Variants in SAMD9 observed in about 807,000 individuals in gnomAD.
SAMD9 encodes the protein sterile alpha motif domain-containing protein 9.
SAMD9 carries 3 observed loss-of-function variants against 1.5 expected under a neutral mutation model. The ratio of observed to expected loss-of-function variants is 2.05; its 90% CI spans 0.93 to 5.29. The LOEUF is 5.29. Ranked by LOEUF, SAMD9 falls within the 30% of genes most tolerant of loss-of-function variation. The pLI is 0.02. For missense variants in SAMD9, 1,597 were observed against 1,820.8 expected (o/e 0.88, Z 2.24); for synonymous variants, 635 against 631.9 (o/e 1.00, Z -0.07).
intron 2 of SAMD9, among the ~76,000 whole-genome samples, chr7:93,108,386 A>G (rs1345674830): frequency 2.0e-5 from 3 of 152,214 alleles, no homozygotes; most frequent in African/African-American, 4.8e-5. Context: ...TCCCAGTGTG[A>G]GAGACACAGA....
In SAMD9 at chr7:93,101,931, G is replaced by A. The variant is rs770033831; in HGVS notation, c.4167C>T (p.Ile1389=). 1.8e-5 allele frequency: 29 copies of A among 1,613,744 alleles called. No homozygotes were observed. The highest frequency in any genetic ancestry group is 2.4e-5 in the Non-Finnish European group (28 of 1,179,784). The part of the protein sequence containing the change: ...KIQSKEKLNF[I]LANIILSCIQ... ...TACAGGAGAGAATAATGTTGGCCAA[G>A]ATGAAATTTAGCTTTTCTTTTGACT... The change falls in exon 3 of 3, where the codon ATC becomes ATT. Residue 1389 remains isoleucine, a synonymous_variant. Transcript: ENST00000379958.
intron 2 of SAMD9, among the ~76,000 whole-genome samples, chr7:93,109,501 A>G (rs1791702944): frequency 6.6e-6 from 1 of 152,234 alleles, no homozygotes; most frequent in African/African-American, 2.4e-5. Flanking sequence ...GGTAATAACA[A>G]ACTTCTCTGA....
In SAMD9 at chr7:93,104,661, C is replaced by A. The variant is rs748738937; in HGVS notation, c.1437G>T (p.Thr479=). ...GATGGTAAAGATTTAGAGTAGAAAT[C>A]GTCTCATTTGGTGTGGTTTTCTGTT... is the stretch of plus-strand genomic sequence containing the variant. ...YVEQKTTPNE[T]ISTLNLYHQP... is the part of the protein sequence containing the mutation. The change falls in exon 3 of 3, where the codon ACG becomes ACT. Residue 479 remains threonine (T), a synonymous_variant. Coordinates refer to ENST00000379958, the MANE Select transcript of SAMD9 (RefSeq NM_017654.4). The A allele has an allele frequency of 1.9e-6, 3 of 1,613,992 alleles. No homozygotes were observed. Among genetic ancestry groups the A allele is most frequent in the Non-Finnish European group, 2.5e-6 (3 of 1,179,920 alleles).
Position 93,117,932 on chromosome 7 carries a change from G to C in SAMD9, c.-179C>G, listed in dbSNP as rs1037208264. ...ATCTCTTTTAGTGCTGAAAATATCTGATGTGTTTGTTTTCTTCCTCCTACG... is the reference window on the plus strand; with the variant it reads ...ATCTCTTTTAGTGCTGAAAATATCTCATGTGTTTGTTTTCTTCCTCCTACG... On this transcript the variant is annotated 5_prime_UTR_variant, in exon 1 of 3. In the 5' UTR this introduces an upstream ATG that the reference lacks. Transcript: ENST00000379958. 2 of 152,188 alleles carry C rather than the reference G, an allele frequency of 1.3e-5. No homozygotes were observed. Among genetic ancestry groups the C allele is most frequent in the African/African-American group, 2.4e-5 (1 of 41,442 alleles). The allele number at this position is 152,188 out of a possible 1,614,324, so 9.4% of individuals were successfully genotyped here.
chr7:93,103,571 T>C lies in SAMD9; in HGVS notation c.2527A>G (p.Lys843Glu). 1 of 1,613,296 alleles carries C rather than the reference T, an allele frequency of 6.2e-7. No individual in the cohort carries two copies. The highest frequency in any genetic ancestry group is 8.5e-7 in the Non-Finnish European group (1 of 1,179,450). ...ATACTGTCTGGGATCCTTGCACTTT[T>C]TTCAGGATTTTGTGATCTCATACAA... is the stretch of plus-strand genomic sequence containing the variant. ...LNCMRSQNPE[K>E]SARIPDSIAV... Residue 843 changes from lysine to glutamate, a missense_variant, in exon 3 of 3, where the codon AAA becomes GAA. Coordinates refer to ENST00000379958, the MANE Select transcript of SAMD9 (RefSeq NM_017654.4).
intron 2 of SAMD9, among the ~76,000 whole-genome samples, chr7:93,114,017 C>G (rs1309162694): frequency 1.3e-5 from 2 of 152,098 alleles, no homozygotes; most frequent in Non-Finnish European, 2.9e-5. Flanking sequence ...TATTGCGGCA[C>G]TATTCACAAT....
Position 93,104,117 on chromosome 7 carries a change from C to G in SAMD9, c.1981G>C (p.Glu661Gln). The G allele has an allele frequency of 1.2e-6, 2 of 1,613,926 alleles. No individual in the cohort carries two copies. The highest frequency in any genetic ancestry group is 1.7e-6 in the Non-Finnish European group (2 of 1,179,874). Reference sequence around the variant, plus strand: ...TTGTCCTTCTCTAACAGTGTACCCTCACATTCATTTTCACAGATAATTTCC... The same window carrying G: ...TTGTCCTTCTCTAACAGTGTACCCTGACATTCATTTTCACAGATAATTTCC... ...ALEIICENEC[E>Q]GTLLEKDKNK... is the part of the protein sequence containing the mutation. The change falls in exon 3 of 3, where the codon GAG becomes CAG. Residue 661 changes from glutamate to glutamine, a missense_variant. Around this residue, in one of 6 missense-constraint regions of SAMD9, gnomAD observed 358 missense variants for 460.4 expected, o/e 0.78. Coordinates refer to ENST00000379958, the MANE Select transcript of SAMD9 (RefSeq NM_017654.4).
intron 1 of SAMD9, among the ~76,000 whole-genome samples, chr7:93,117,392 C>T (rs1409587726): frequency 6.6e-6 from 1 of 151,988 alleles, no homozygotes; most frequent in Non-Finnish European, 1.5e-5. Context: ...AATCCTTCTG[C>T]CTCAGCCTCC....
chr7:93,102,621 G>A lies in SAMD9; in HGVS notation c.3477C>T (p.Ala1159=). 6.2e-7 allele frequency: 1 copy of A among 1,613,726 alleles called. No individual in the cohort carries two copies. The highest frequency in any genetic ancestry group is 8.5e-7 in the Non-Finnish European group (1 of 1,179,764). ...LIALLDLAEH[A]SSAFKESQQQ... ...GTTGAGATTCTTTGAATGCACTTGAGGCATGTTCTGCTAAATCCAAAAGAG... is the reference window on the plus strand; with the variant it reads ...GTTGAGATTCTTTGAATGCACTTGAAGCATGTTCTGCTAAATCCAAAAGAG... The change falls in exon 3 of 3, where the codon GCC becomes GCT. Residue 1159 remains alanine, a synonymous_variant. Transcript: ENST00000379958.
At position 93,101,955 on chromosome 7, in the gene SAMD9, C is replaced by G; in HGVS notation, c.4143G>C (p.Gln1381His). ...AGATGAAATTTAGCTTTTCTTTTGA[C>G]TGGATTTTGACAGTGCATTGTTCTA... Reference protein sequence around the residue: ...FLLEQCTVKIQSKEKLNFILA... With the variant: ...FLLEQCTVKIHSKEKLNFILA... The change falls in exon 3 of 3, where the codon CAG (glutamine) becomes CAC (histidine). Residue 1381 changes from glutamine to histidine, a missense_variant. Transcript: ENST00000379958. 1 of 1,613,792 alleles carries G rather than the reference C, an allele frequency of 6.2e-7. No individual in the cohort carries two copies. The highest frequency in any genetic ancestry group is 8.5e-7 in the Non-Finnish European group (1 of 1,179,752).
Position 93,105,419 on chromosome 7 carries a change from T to C in SAMD9, c.679A>G (p.Met227Val), listed in dbSNP as rs943356283. The C allele has an allele frequency of 1.6e-5, 26 of 1,613,968 alleles. No individual in the cohort carries two copies. In the Admixed American group the frequency reaches 2.2e-4, roughly 13 times the overall value. The change falls in exon 3 of 3, where the codon ATG (methionine) becomes GTG (valine). Residue 227 changes from methionine (M) to valine (V), a missense_variant. Transcript: ENST00000379958. ...NEVFRFASACMNSRTNGTIHF... is the reference protein window; with the variant it reads ...NEVFRFASACVNSRTNGTIHF... ...ATAGTGCCATTGGTACGTGAATTCA[T>C]ACAAGCTGAAGCAAATCGGAAAACC...
Position 93,106,038 on chromosome 7 carries a change from A to G in SAMD9, c.60T>C (p.Asn20=). 1 of 1,593,750 alleles carries G rather than the reference A, an allele frequency of 6.3e-7. No individual in the cohort carries two copies. Among genetic ancestry groups the G allele is most frequent in the Non-Finnish European group, 8.5e-7 (1 of 1,174,090 alleles). The change falls in exon 3 of 3, where the codon AAT becomes AAC. Residue 20 remains asparagine (N), a synonymous_variant. Transcript: ENST00000379958. ...CAATCTTATGACTTTCTAACCACTG[A>G]TTTACATCCTCTTTTGTCCAATCAT... ...NTDDWTKEDV[N]QWLESHKIDQ... is the part of the protein sequence containing the mutation.
At chr7:93,116,522 T>TA (rs1420183437) in intron 1 of SAMD9, among the ~76,000 whole-genome samples, 4 of 152,184 alleles carry the variant, frequency 2.6e-5, no homozygotes, top group African/African-American at 9.7e-5. Context: ...TACATTATTT[T>TA]AAAAAAATTG....
Position 93,102,470 on chromosome 7 carries a change from T to C in SAMD9, c.3628A>G (p.Ile1210Val), listed in dbSNP as rs1271123812. Residue 1210 changes from isoleucine (I) to valine (V), a missense_variant, in exon 3 of 3, where the codon ATT becomes GTT. This residue lies in a region of SAMD9 where 682 missense variants were observed against 810.0 expected (regional missense o/e 0.84). Coordinates refer to ENST00000379958, the MANE Select transcript of SAMD9 (RefSeq NM_017654.4). ...TCAAAAAAAGGAATGAGCTGGAGAA[T>C]TTGGATTGTGTAAAGCCCAACTTCT... ...EIEVGLYTIQ[I>V]LQLIPFFDNK... 1 of 1,613,582 alleles carries C rather than the reference T, an allele frequency of 6.2e-7. No homozygotes were observed. Among genetic ancestry groups the C allele is most frequent in the African/African-American group, 1.3e-5 (1 of 74,898 alleles).
In SAMD9 at chr7:93,105,103, A is replaced by G. The variant is rs76377166; in HGVS notation, c.995T>C (p.Ile332Thr). ...QIKMQNYNNKIWEQSKKFSLF... is the reference protein window; with the variant it reads ...QIKMQNYNNKTWEQSKKFSLF... Reference sequence around the variant, plus strand: ...TGAGAATTTTTTACTTTGTTCCCATATTTTGTTGTTGTAATTTTGCATTTT... The same window carrying G: ...TGAGAATTTTTTACTTTGTTCCCATGTTTTGTTGTTGTAATTTTGCATTTT... Residue 332 changes from isoleucine (I) to threonine (T), a missense_variant, in exon 3 of 3, where the codon ATA becomes ACA. Ile to Thr is a moderately conservative substitution (Grantham distance 89). This residue lies in a region of SAMD9 where 498 missense variants were observed against 457.4 expected (regional missense o/e 1.09). Transcript: ENST00000379958. 2.3e-3 allele frequency: 3,710 copies of G among 1,613,696 alleles called. 82 individuals are homozygous for G. In the African/African-American group the frequency reaches 0.044, roughly 19 times the overall value.
chr7:93,102,937 A>G lies in SAMD9; in HGVS notation c.3161T>C (p.Phe1054Ser), dbSNP rs1313900953. 1 of 1,613,926 alleles carries G rather than the reference A, an allele frequency of 6.2e-7. No individual in the cohort carries two copies. The highest frequency in any genetic ancestry group is 1.3e-5 in the African/African-American group (1 of 75,036). ...EGETGNWFSP[F>S]IEALHKDEGN... ...TTCATCTTTATGTAATGCTTCAATA[A>G]ATGGGGAAAACCAATTTCCTGTTTC... is the stretch of plus-strand genomic sequence containing the variant. The change falls in exon 3 of 3, where the codon TTT (phenylalanine) becomes TCT (serine). Residue 1054 changes from phenylalanine to serine, a missense_variant. Phe to Ser is a radical substitution (Grantham distance 155, BLOSUM62 -2). Coordinates refer to ENST00000379958, the MANE Select transcript of SAMD9 (RefSeq NM_017654.4).
chr7:93,117,184 G>T (rs1336949795), intron 1 of SAMD9, among the ~76,000 whole-genome samples: 1 of 152,200 alleles, frequency 6.6e-6, no homozygotes, highest in African/African-American at 2.4e-5. Flanking sequence ...TCTTAGAGTA[G>T]ATGGTGGAAG....
rs1262291391 is a variant in SAMD9 at position 93,102,198 on chromosome 7, A to G, written c.3900T>C (p.Phe1300=). Residue 1300 remains phenylalanine (F), a synonymous_variant, in exon 3 of 3, where the codon TTT becomes TTC. Coordinates refer to ENST00000379958, the MANE Select transcript of SAMD9 (RefSeq NM_017654.4). ...AKTRRKVAGY[F]KKYVDIFCLL... is the part of the protein sequence containing the mutation. ...GACAAAATATATCTACATATTTCTTAAAATATCCAGCCACCTTTCTCCGAG... is the reference window on the plus strand; with the variant it reads ...GACAAAATATATCTACATATTTCTTGAAATATCCAGCCACCTTTCTCCGAG... The G allele has an allele frequency of 6.2e-7, 1 of 1,613,636 alleles. No homozygotes were observed. Among genetic ancestry groups the G allele is most frequent in the Non-Finnish European group, 8.5e-7 (1 of 1,179,752 alleles).
Position 93,102,269 on chromosome 7 carries a change from G to A in SAMD9, c.3829C>T (p.Leu1277=), listed in dbSNP as rs1367096856. Residue 1277 remains leucine, a synonymous_variant, in exon 3 of 3, where the codon CTG becomes TTG. Coordinates refer to ENST00000379958, the MANE Select transcript of SAMD9 (RefSeq NM_017654.4). ...TTAATATTGTTCCTGGGTTTTAGCAGGACAAAGTATTCATCAAAAAAATCA... is the reference window on the plus strand; with the variant it reads ...TTAATATTGTTCCTGGGTTTTAGCAAGACAAAGTATTCATCAAAAAAATCA... The part of the protein sequence containing the change: ...SFDFFDEYFV[L]LKPRNNIKQN... The A allele has an allele frequency of 6.2e-7, 1 of 1,612,942 alleles. No individual in the cohort carries two copies. Among genetic ancestry groups the A allele is most frequent in the South Asian group, 1.1e-5 (1 of 91,020 alleles).
Sources: allele counts gnomAD v4.1 joint callset (sites outside exome capture counted in the v4.1 genomes callset), GRCh38; gene constraint gnomAD v4.1.1; regional missense constraint gnomAD v4.1.1; transcripts MANE v1.5; gene names NCBI Gene and HGNC (gene_info 2026-07-23, HGNC 2026-07-21).